Variants in PARD3B observed in about 807,000 individuals in gnomAD.
PARD3B encodes par-3 family cell polarity regulator beta.
Under a neutral mutation model 130.2 loss-of-function variants are expected in PARD3B, and 103 were observed. The ratio of observed to expected loss-of-function variants is 0.79; its 90% confidence interval spans 0.67 to 0.93. The LOEUF (loss-of-function observed/expected upper bound fraction) is 0.93, where lower values mean the gene tolerates loss of function less well. Ranked by LOEUF, PARD3B falls within the 40% of genes least tolerant of loss-of-function variation. PARD3B has a pLI of 0.00. For synonymous variants in PARD3B, 583 were observed against 553.2 expected, an observed-to-expected ratio of 1.05 and a Z score of -0.76; for missense variants, 1,609 against 1,499.2, an observed-to-expected ratio of 1.07 and a Z score of -1.21.
chr2:204,857,194 T>A (rs2044984489), intron 2 of PARD3B, among the ~76,000 whole-genome samples: 2 of 152,202 alleles, frequency 1.3e-5, no homozygotes, highest in African/African-American at 2.4e-5. Flanking sequence ...GCATCTTTTT[T>A]CAACTTTCTT....
At chr2:204,963,593 A>G (rs372602541) in intron 2 of PARD3B, among the ~76,000 whole-genome samples, 2 of 152,200 alleles carry the variant, frequency 1.3e-5, no homozygotes, top group East Asian at 1.9e-4. Flanking sequence ...AGTGATGAAA[A>G]TCACACATCC....
At chr2:205,153,168 C>T (rs923764781) in intron 10 of PARD3B, among the ~76,000 whole-genome samples, 1 of 152,164 alleles carries the variant, frequency 6.6e-6, no homozygotes, top group Non-Finnish European at 1.5e-5. Flanking sequence ...CAGAGGGGCA[C>T]CCGGCTGTAT....
chr2:205,475,808 G>A (rs2049003124), intron 20 of PARD3B, among the ~76,000 whole-genome samples: 1 of 152,136 alleles, frequency 6.6e-6, no homozygotes, highest in South Asian at 2.1e-4. Context: ...AAATGAAGTG[G>A]GCATCATATT....
chr2:205,483,417 C>T (rs1575132614), intron 20 of PARD3B, among the ~76,000 whole-genome samples: 1 of 152,322 alleles, frequency 6.6e-6, no homozygotes, highest in South Asian at 2.1e-4. Context: ...AAGCTACAGA[C>T]TTCAGAGCTT....
intron 3 of PARD3B, among the ~76,000 whole-genome samples, chr2:204,986,558 C>T (rs1287948547): frequency 2.0e-5 from 3 of 152,124 alleles, no homozygotes; most frequent in African/African-American, 7.2e-5. Flanking sequence ...TTGTCTTTAG[C>T]CAGTTTATAT....
At chr2:204,822,927 T>TCTG (rs2043422754) in intron 2 of PARD3B, among the ~76,000 whole-genome samples, 1 of 152,218 alleles carries the variant, frequency 6.6e-6, no homozygotes, top group Admixed American at 6.5e-5. Flanking sequence ...TTTAGCTTCA[T>TCTG]CTGCTCTCTT....
chr2:205,121,126 A>G lies in PARD3B; in HGVS notation c.807-465A>G, dbSNP rs1230425858. The stretch of plus-strand genomic sequence containing the variant: ...GAACTTGTGTAACACAACCCATGTT[A>G]GAGAAGATCTGTACTTTAGAAGGAT... On this transcript the variant is annotated intron_variant, in intron 7 of 22. Coordinates refer to ENST00000406610, the MANE Select transcript of PARD3B (RefSeq NM_001302769.2). The surrounding 1 kb of genome is among the most constrained non-coding windows in gnomAD (Gnocchi z 5.0). Among the ~76,000 whole-genome samples the G allele has an allele frequency of 6.6e-6, 1 of 152,234 alleles. No individual in the cohort carries two copies. Among genetic ancestry groups the G allele is most frequent in the East Asian group, 1.9e-4 (1 of 5,192 alleles).
intron 14 of PARD3B, among the ~76,000 whole-genome samples, chr2:205,189,430 G>A (rs145622402): frequency 2.2e-4 from 33 of 152,248 alleles, no homozygotes; most frequent in African/African-American, 7.7e-4. Context: ...ATAATTTGAC[G>A]TTGAGTATCG....
chr2:205,429,988 C>G (rs543967106), intron 19 of PARD3B, among the ~76,000 whole-genome samples: 2 of 152,280 alleles, frequency 1.3e-5, no homozygotes, highest in South Asian at 4.1e-4. Context: ...TCTTCTCTTC[C>G]GTTTATGTCT....
intron 3 of PARD3B, among the ~76,000 whole-genome samples, chr2:204,969,116 G>A (rs1390532219): frequency 6.6e-6 from 1 of 152,176 alleles, no homozygotes; most frequent in East Asian, 1.9e-4. Flanking sequence ...TTTAAATGAT[G>A]AGATGTGGTA....
At chr2:205,304,889 G>A (rs2042136924) in intron 18 of PARD3B, among the ~76,000 whole-genome samples, 2 of 152,220 alleles carry the variant, frequency 1.3e-5, no homozygotes, top group African/African-American at 4.8e-5. Context: ...AGGATACAGT[G>A]AGCCATGATC....
At chr2:205,033,774 A>T (rs1490074881) in intron 3 of PARD3B, among the ~76,000 whole-genome samples, 2 of 152,218 alleles carry the variant, frequency 1.3e-5, no homozygotes, top group Non-Finnish European at 2.9e-5. Flanking sequence ...GGTTGCCATA[A>T]ATCTTATGAA....
chr2:205,190,389 A>G (rs1392166373), intron 14 of PARD3B, among the ~76,000 whole-genome samples: 2 of 152,204 alleles, frequency 1.3e-5, no homozygotes, highest in African/African-American at 4.8e-5. Flanking sequence ...GGAGGCTTTC[A>G]CTGCTTTGAT....
At chr2:204,939,397 T>C (rs1688722444) in intron 2 of PARD3B, among the ~76,000 whole-genome samples, 1 of 152,186 alleles carries the variant, frequency 6.6e-6, no homozygotes, top group Non-Finnish European at 1.5e-5. Flanking sequence ...CATTGTCCTT[T>C]AGAGGAATTG....
chr2:204,549,366 T>A (rs76957603), intron 1 of PARD3B, among the ~76,000 whole-genome samples: 1 of 152,218 alleles, frequency 6.6e-6, no homozygotes, highest in Admixed American at 6.5e-5. Flanking sequence ...TGTCTTCTTA[T>A]GTGCTTATGG....
chr2:205,609,639 G>A (rs1161881753), intron 22 of PARD3B, among the ~76,000 whole-genome samples: 1 of 152,154 alleles, frequency 6.6e-6, no homozygotes, highest in Non-Finnish European at 1.5e-5. Flanking sequence ...CCCTTTGGAA[G>A]GTTTTCTGTA....
rs2046063739 is a variant in PARD3B at position 205,397,202 on chromosome 2, G to A, written c.2631-3811G>A. ...TTATTGTTTTATAATGCTTTTCTTGGGCCTACCCAAACTTTACAAAATAAG... is the reference window on the plus strand; with the variant it reads ...TTATTGTTTTATAATGCTTTTCTTGAGCCTACCCAAACTTTACAAAATAAG... On this transcript the variant is annotated intron_variant, in intron 18 of 22. Transcript: ENST00000406610. This position sits in a 1 kb window ranked among gnomAD's most constrained non-coding sequence, Gnocchi z 4.8. Among the ~76,000 whole-genome samples, 1 of 151,908 alleles carries A rather than the reference G, an allele frequency of 6.6e-6. No homozygotes were observed. The highest frequency in any genetic ancestry group is 2.4e-5 in the African/African-American group (1 of 41,344).
At chr2:204,855,143 G>A (rs1344469036) in intron 2 of PARD3B, among the ~76,000 whole-genome samples, 2 of 152,120 alleles carry the variant, frequency 1.3e-5, no homozygotes, top group Admixed American at 6.6e-5. Context: ...GAACTACTAG[G>A]CTCAAGCAGT....
intron 1 of PARD3B, among the ~76,000 whole-genome samples, chr2:204,676,687 G>A (rs1437776753): frequency 2.2e-5 from 1 of 45,620 alleles, no homozygotes; most frequent in Non-Finnish European, 4.7e-5. Context: ...TTTTTTTTTT[G>A]GAGACAGAGT....
Sources: gnomAD v4.1 joint callset for allele counts (sites outside exome capture counted in the v4.1 genomes callset) on GRCh38, gnomAD v4.1.1 for gene constraint, Gnocchi (gnomAD v3.1) non-coding constraint, MANE v1.5 for transcripts, NCBI Gene and HGNC (gene_info 2026-07-23, HGNC 2026-07-21) for gene names.